Variants in DRC11L observed in about 807,000 individuals in gnomAD.
DRC11L encodes the protein dynein regulatory complex subunit 11 like.
At chr7:151,204,739 G>A in the DRC11L span, 2 of 399,060 alleles carry the variant, frequency 5.0e-6, no homozygotes, top group East Asian at 3.6e-5. Context: ...TGGAAGGACT[G>A]CCGCTCCCGG....
chr7:151,193,006 C>A, the DRC11L span, among the ~76,000 whole-genome samples: 2 of 152,218 alleles, frequency 1.3e-5, no homozygotes, highest in African/African-American at 4.8e-5. Flanking sequence ...ACATATCTCA[C>A]ACCTCAGGGT....
the DRC11L span, chr7:151,191,106 G>A: frequency 5.0e-6 from 2 of 399,212 alleles, no homozygotes; most frequent in Non-Finnish European, 8.8e-6. Context: ...GTGGGTACAG[G>A]AGTGGTAAGG....
the DRC11L span, chr7:151,192,149 T>C: frequency 1.0e-5 from 4 of 397,980 alleles, no homozygotes; most frequent in African/African-American, 2.1e-5. Context: ...GCCACTGGGC[T>C]GCTTGTCCAG....
the DRC11L span, among the ~76,000 whole-genome samples, chr7:151,202,725 A>G: frequency 6.6e-6 from 1 of 152,210 alleles, no homozygotes. Flanking sequence ...TTGTCAAAGG[A>G]TTGTAGTCCT....
the DRC11L span, among the ~76,000 whole-genome samples, chr7:151,195,199 G>T: frequency 5.9e-5 from 9 of 152,254 alleles, no homozygotes; most frequent in Admixed American, 3.9e-4. Flanking sequence ...TTGAGATCTC[G>T]CTCTGCATCT....
At chr7:151,204,463 C>T in the DRC11L span, 2 of 398,330 alleles carry the variant, frequency 5.0e-6, no homozygotes, top group Non-Finnish European at 8.9e-6. Context: ...CCTCTCCCCT[C>T]CCGCTAGCTG....
chr7:151,195,506 A>G, the DRC11L span: 33 of 399,578 alleles, frequency 8.3e-5, no homozygotes, highest in Non-Finnish European at 1.4e-4. Context: ...ACGAGTGCGT[A>G]GGTCACTGTG....
the DRC11L span, among the ~76,000 whole-genome samples, chr7:151,203,859 C>T: frequency 2.8e-4 from 42 of 152,252 alleles, no homozygotes; most frequent in Non-Finnish European, 4.7e-4. Context: ...ATCTTCCCTG[C>T]GCCCCCACCC....
At chr7:151,197,031 C>G in the DRC11L span, 1 of 399,694 alleles carries the variant, frequency 2.5e-6, no homozygotes, top group Non-Finnish European at 4.4e-6. Flanking sequence ...GATGGCAACA[C>G]TTGCAACACC....
At chr7:151,204,238 C>T in the DRC11L span, among the ~76,000 whole-genome samples, 1 of 152,236 alleles carries the variant, frequency 6.6e-6, no homozygotes, top group Non-Finnish European at 1.5e-5. Flanking sequence ...GCACACCCCC[C>T]ACCGCCAAGG....
the DRC11L span, among the ~76,000 whole-genome samples, chr7:151,204,233 C>A: frequency 6.6e-6 from 1 of 152,152 alleles, no homozygotes; most frequent in Admixed American, 6.5e-5. Context: ...TCCATGCACA[C>A]CCCCCACCGC....
the DRC11L span, among the ~76,000 whole-genome samples, chr7:151,200,032 G>A: frequency 6.6e-6 from 1 of 152,232 alleles, no homozygotes; most frequent in Non-Finnish European, 1.5e-5. Context: ...GTGGGGGGCA[G>A]TGTGGGTGCT....
At chr7:151,197,405 G>C in the DRC11L span, 2 of 398,794 alleles carry the variant, frequency 5.0e-6, no homozygotes, top group African/African-American at 4.1e-5. Flanking sequence ...TTACAGAAGA[G>C]AGCTGGCGAT....
chr7:151,202,178 G>A, the DRC11L span, among the ~76,000 whole-genome samples: 2 of 152,280 alleles, frequency 1.3e-5, no homozygotes, highest in East Asian at 1.9e-4. Context: ...CAGAGTTTGG[G>A]GGTGCTCAGA....
the DRC11L span, chr7:151,204,571 G>A: frequency 2.3e-5 from 9 of 399,066 alleles, no homozygotes; most frequent in East Asian, 2.5e-4. Context: ...AGGTCGGCGC[G>A]CACCAGCTCG....
the DRC11L span, chr7:151,192,281 C>G: frequency 2.5e-6 from 1 of 398,942 alleles, no homozygotes; most frequent in Non-Finnish European, 4.4e-6. Context: ...CTCACCATAG[C>G]GGGATGCGTA....
At chr7:151,203,968 A>G in the DRC11L span, among the ~76,000 whole-genome samples, 1 of 152,222 alleles carries the variant, frequency 6.6e-6, no homozygotes, top group Admixed American at 6.5e-5. Context: ...GGCGCCGCAG[A>G]AGCTCTGTGC....
chr7:151,199,456 G>C, the DRC11L span, among the ~76,000 whole-genome samples: 3 of 152,196 alleles, frequency 2.0e-5, no homozygotes, highest in Non-Finnish European at 4.4e-5. This position sits in a 1 kb window ranked among gnomAD's most constrained non-coding sequence, Gnocchi z 5.2. Flanking sequence ...GGCCCGGGCG[G>C]CCGGGCTCAT....
chr7:151,195,391 C>A, the DRC11L span: 92 of 399,102 alleles, frequency 2.3e-4, no homozygotes, highest in South Asian at 2.4e-3. Context: ...TACTCCACCA[C>A]CACCACCATG....
Sources: allele counts gnomAD v4.1 joint callset (sites outside exome capture counted in the v4.1 genomes callset), GRCh38; gene constraint gnomAD v4.1.1; non-coding constraint Gnocchi (gnomAD v3.1); transcripts MANE v1.5; gene names NCBI Gene and HGNC (gene_info 2026-07-23, HGNC 2026-07-21).